Variants in TEX11 observed in about 807,000 individuals in gnomAD.
TEX11 encodes testis expressed 11.
A neutral mutation model predicts 84.4 loss-of-function variants in TEX11; 7 were observed. The observed-to-expected ratio is 0.08, with a 90% confidence interval of 0.05 to 0.16. TEX11 has a LOEUF of 0.16. Ranked by LOEUF, TEX11 falls within the 10% of genes least tolerant of loss-of-function variation. The pLI is 1.00. For synonymous variants in TEX11, 264 were observed against 222.8 expected (o/e 1.18, Z -1.64); for missense variants, 551 against 660.5 (o/e 0.83, Z 1.82).
chrX:70,713,492 A>G (rs773924404), intron 13 of TEX11, among the ~76,000 whole-genome samples: 252 of 111,943 alleles, frequency 2.3e-3, no homozygotes, highest in Middle Eastern at 4.6e-3. Context: ...CTATTCAGAG[A>G]TTCAACTTCT....
intron 28 of TEX11, among the ~76,000 whole-genome samples, chrX:70,545,832 C>G (rs1470571341): frequency 9.0e-6 from 1 of 111,457 alleles, no homozygotes; most frequent in Non-Finnish European, 1.9e-5. Flanking sequence ...TTTTCAGCTC[C>G]ATTATAATCT....
intron 9 of TEX11, among the ~76,000 whole-genome samples, chrX:70,792,660 C>A (rs2091131583): frequency 9.2e-6 from 1 of 108,887 alleles, no homozygotes; most frequent in South Asian, 4.0e-4. Context: ...GCTAAATTAA[C>A]AAAGAAAATA....
chrX:70,776,911 G>T (rs891745181), intron 9 of TEX11, among the ~76,000 whole-genome samples: 3 of 111,300 alleles, frequency 2.7e-5, no homozygotes, highest in Non-Finnish European at 5.7e-5. Flanking sequence ...ATATAGAAAT[G>T]ATAAATACTC....
chrX:70,673,951 G>A (rs2090046713), intron 15 of TEX11, among the ~76,000 whole-genome samples: 2 of 111,237 alleles, frequency 1.8e-5, no homozygotes, highest in African/African-American at 3.3e-5. Flanking sequence ...TGTTACATAG[G>A]TAAACACATG....
At position 70,552,212 on chromosome X, in the gene TEX11, G is replaced by C; in HGVS notation, c.2434C>G (p.Pro812Ala). The change falls in exon 28 of 30, where the codon CCA becomes GCA. Residue 812 changes from proline (P) to alanine (A), a missense_variant. Coordinates refer to ENST00000374333, the MANE Select transcript of TEX11 (RefSeq NM_031276.3). ...CMHNLVNLSVPDGASNVELCP... is the reference protein window; with the variant it reads ...CMHNLVNLSVADGASNVELCP... ...AGCTCTACATTCGACGCCCCATCTG[G>C]CACTGAGAGGTTAACCAAGTTGTGC... 8.3e-7 allele frequency: 1 copy of C among 1,209,941 alleles called. No individual in the cohort carries two copies. Among genetic ancestry groups the C allele is most frequent in the Non-Finnish European group, 1.1e-6 (1 of 894,814 alleles).
chrX:70,726,687 C>T (rs1469557607), intron 11 of TEX11, among the ~76,000 whole-genome samples: 1 of 110,029 alleles, frequency 9.1e-6, no homozygotes, highest in East Asian at 2.9e-4. Flanking sequence ...CACTCTACCA[C>T]ATCTGGCTCA....
At chrX:70,714,512 C>G (rs909906042) in intron 13 of TEX11, among the ~76,000 whole-genome samples, 5 of 111,767 alleles carry the variant, frequency 4.5e-5, no homozygotes, top group African/African-American at 1.6e-4. Context: ...ATAGTTAGCT[C>G]TTCTTTTTGT....
At chrX:70,655,149 T>A (rs1367251311) in intron 16 of TEX11, among the ~76,000 whole-genome samples, 1 of 111,231 alleles carries the variant, frequency 9.0e-6, no homozygotes, top group Non-Finnish European at 1.9e-5. Context: ...AAGAAATAGA[T>A]CAATTCAAAC....
At chrX:70,661,239 G>T (rs982031689) in intron 16 of TEX11, among the ~76,000 whole-genome samples, 8 of 112,506 alleles carry the variant, frequency 7.1e-5, no homozygotes, top group Non-Finnish European at 1.3e-4. Context: ...TCCCACGCCT[G>T]GCTCAGAGGG....
intron 7 of TEX11, among the ~76,000 whole-genome samples, chrX:70,852,160 TA>T (rs2091512057): frequency 8.9e-6 from 1 of 111,946 alleles, no homozygotes; most frequent in Non-Finnish European, 1.9e-5. Context: ...TGTCAAAAAA[TA>T]AAAAAGGGGA....
intron 13 of TEX11, among the ~76,000 whole-genome samples, chrX:70,693,622 GA>G (rs895640277): frequency 2.7e-5 from 3 of 111,443 alleles, no homozygotes; most frequent in Non-Finnish European, 5.6e-5. Context: ...GGGCTGGGGT[GA>G]GGGGTGGGTA....
intron 2 of TEX11, among the ~76,000 whole-genome samples, chrX:70,903,979 CTTTT>C (rs34397286): frequency 1.0e-4 from 3 of 29,966 alleles, no homozygotes; most frequent in African/African-American, 2.2e-4. Context: ...CCACATCCAG[CTTTT>C]TTTTTTTTTT....
At chrX:70,548,494 G>A (rs753165150) in intron 28 of TEX11, among the ~76,000 whole-genome samples, 18 of 111,262 alleles carry the variant, frequency 1.6e-4, no homozygotes, top group South Asian at 7.7e-4. Context: ...TCGTATCACC[G>A]AAAGAGCCAC....
intron 9 of TEX11, among the ~76,000 whole-genome samples, chrX:70,758,780 G>T (rs1319508197): frequency 1.8e-5 from 2 of 111,814 alleles, no homozygotes; most frequent in Non-Finnish European, 1.9e-5. Context: ...GAGCAGAACT[G>T]AAGGAAACAG....
chrX:70,521,134 G>A, the TEX11 span, among the ~76,000 whole-genome samples: 9 of 111,097 alleles, frequency 8.1e-5, no homozygotes, highest in South Asian at 3.8e-4. Flanking sequence ...GCTCACCCTC[G>A]GTGGGCTGCA....
In TEX11 at chrX:70,631,057, A is replaced by G. The variant is rs182431333; in HGVS notation, c.1484-1322T>C. On this transcript the variant is annotated intron_variant, in intron 17 of 29. Transcript: ENST00000374333. ...AGAAGAAATGAACAAATCCACAATT[A>G]TAGTTAAAGATTTCAATATCCTCTC... 1.9e-4 allele frequency among the ~76,000 whole-genome samples: 21 copies of G among 112,412 alleles called. No individual in the cohort carries two copies. The East Asian group carries it at 5.3e-3, about 28-fold the overall frequency.
At chrX:70,628,787 G>A in intron 18 of TEX11, among the ~76,000 whole-genome samples, 1 of 112,208 alleles carries the variant, frequency 8.9e-6, no homozygotes, top group East Asian at 2.8e-4. Context: ...GCAGAATGGG[G>A]AAGAAGATGA....
chrX:70,783,525 A>G (rs1326436580), intron 9 of TEX11, among the ~76,000 whole-genome samples: 1 of 111,820 alleles, frequency 8.9e-6, no homozygotes, highest in Non-Finnish European at 1.9e-5. Context: ...CAAAACATCA[A>G]TGAATCCAAG....
intron 13 of TEX11, among the ~76,000 whole-genome samples, chrX:70,719,474 C>A (rs1274087098): frequency 2.7e-5 from 3 of 111,499 alleles, no homozygotes; most frequent in Non-Finnish European, 5.6e-5. Context: ...GTCTATGCAA[C>A]AGAAAACACC....
Sources: gnomAD v4.1 joint callset for allele counts (sites outside exome capture counted in the v4.1 genomes callset) on GRCh38, gnomAD v4.1.1 for gene constraint, MANE v1.5 for transcripts, NCBI Gene and HGNC (gene_info 2026-07-23, HGNC 2026-07-21) for gene names.